PLEKHB2: variants seen among roughly 807,000 people sequenced by gnomAD.
PLEKHB2 encodes pleckstrin homology domain-containing family B member 2.
In PLEKHB2, 31 loss-of-function variants were observed where a neutral mutation model predicts 36.5. That is an observed-to-expected ratio of 0.85 (90% CI 0.64 to 1.15). PLEKHB2 has a LOEUF of 1.15. Ranked by LOEUF, PLEKHB2 falls within the 50% of genes most tolerant of loss-of-function variation. The pLI is 0.00. For synonymous variants in PLEKHB2, 119 were observed against 112.0 expected, an observed-to-expected ratio of 1.06 and a Z score of -0.39; for missense variants, 262 against 295.3, an observed-to-expected ratio of 0.89 and a Z score of 0.83.
intron 6 of PLEKHB2, among the ~76,000 whole-genome samples, chr2:131,138,581 C>T (rs1341393764): frequency 7.9e-5 from 12 of 152,136 alleles, no homozygotes; most frequent in Non-Finnish European, 1.8e-4. Context: ...CGCCTTGAGC[C>T]TCAGTTGACA....
intron 4 of PLEKHB2, chr2:131,127,035 C>T: frequency 2.5e-6 from 1 of 394,694 alleles, no homozygotes; most frequent in East Asian, 4.8e-5. Flanking sequence ...TGCTGTCTTT[C>T]ATTATTAGAT....
chr2:131,120,005 G>C (rs1696319475), intron 1 of PLEKHB2, among the ~76,000 whole-genome samples: 1 of 143,706 alleles, frequency 7.0e-6, no homozygotes, highest in Admixed American at 7.1e-5. Flanking sequence ...GTCTTACTCT[G>C]TTGCCCAGGC....
chr2:131,108,967 G>C (rs921109169), intron 1 of PLEKHB2, among the ~76,000 whole-genome samples: 3 of 152,130 alleles, frequency 2.0e-5, no homozygotes, highest in South Asian at 2.1e-4. Flanking sequence ...TTGTCCGATT[G>C]AGTCAGGATC....
At chr2:131,145,661 T>TAG (rs2104993696) in intron 7 of PLEKHB2, among the ~76,000 whole-genome samples, 1 of 152,272 alleles carries the variant, frequency 6.6e-6, no homozygotes, top group East Asian at 1.9e-4. Flanking sequence ...ATTAAAGGAA[T>TAG]AGAGGATCAA....
chr2:131,141,003 CAGG>C (rs1010499772), intron 7 of PLEKHB2, among the ~76,000 whole-genome samples: 1 of 152,118 alleles, frequency 6.6e-6, no homozygotes, highest in African/African-American at 2.4e-5. Context: ...TGGGGGTTTG[CAGG>C]AGGAGGAGTA....
At chr2:131,110,712 A>G (rs747162443) in intron 1 of PLEKHB2, among the ~76,000 whole-genome samples, 3 of 151,850 alleles carry the variant, frequency 2.0e-5, no homozygotes, top group Non-Finnish European at 4.4e-5. Context: ...TCTGGCTTGG[A>G]AATAATTTTC....
intron 5 of PLEKHB2, among the ~76,000 whole-genome samples, chr2:131,131,606 C>T (rs10928539): frequency 0.18 from 27,752 of 152,032 alleles, 3,106 homozygotes; most frequent in African/African-American, 0.32. Flanking sequence ...GAAGGTGGAT[C>T]AAGCTTACAG....
intron 1 of PLEKHB2, chr2:131,108,142 A>C (rs1236309491): frequency 2.6e-5 from 4 of 152,370 alleles, no homozygotes; most frequent in African/African-American, 9.6e-5. Context: ...AGTAGGCTTC[A>C]GGCTTAGAAC....
chr2:131,120,604 C>T (rs1368725659), intron 1 of PLEKHB2: 1 of 382,972 alleles, frequency 2.6e-6, no homozygotes, highest in African/African-American at 2.1e-5. Flanking sequence ...CTCAGGGCTC[C>T]AGCAAGCCAC....
At chr2:131,143,178 T>G (rs546283669) in intron 7 of PLEKHB2, among the ~76,000 whole-genome samples, 2 of 152,304 alleles carry the variant, frequency 1.3e-5, no homozygotes, top group East Asian at 3.9e-4. Context: ...TTCGGTAGGT[T>G]AGGCGTATTA....
At chr2:131,121,056 A>C in intron 2 of PLEKHB2, 78 bp downstream of exon 2, 1 of 1,418,056 alleles carries the variant, frequency 7.1e-7, no homozygotes, top group Non-Finnish European at 9.8e-7. Context: ...AGTTGATCAT[A>C]TTTAAAAGCA....
intron 7 of PLEKHB2, among the ~76,000 whole-genome samples, chr2:131,143,127 T>C (rs1029612440): frequency 6.6e-6 from 1 of 152,206 alleles, no homozygotes; most frequent in Non-Finnish European, 1.5e-5. Context: ...CTAATGTTAG[T>C]GCTCTGAGCA....
intron 6 of PLEKHB2, among the ~76,000 whole-genome samples, chr2:131,139,465 T>C (rs1225568131): frequency 6.6e-6 from 1 of 152,222 alleles, no homozygotes; most frequent in African/African-American, 2.4e-5. Flanking sequence ...TACAACTCTG[T>C]TCTCCCTTAT....
At chr2:131,115,786 C>T (rs1335283103) in intron 1 of PLEKHB2, among the ~76,000 whole-genome samples, 1 of 152,200 alleles carries the variant, frequency 6.6e-6, no homozygotes, top group Non-Finnish European at 1.5e-5. Flanking sequence ...ACTTGTGTCA[C>T]AATTTAGCCA....
At chr2:131,121,431 A>G (rs1198411265) in intron 2 of PLEKHB2, among the ~76,000 whole-genome samples, 14 of 151,958 alleles carry the variant, frequency 9.2e-5, no homozygotes, top group Admixed American at 7.9e-4. Context: ...TATTTTTAGT[A>G]GAGAAGGGGT....
chr2:131,133,131 T>A, intron 6 of PLEKHB2, 140 bp downstream of exon 6: 1 of 624,606 alleles, frequency 1.6e-6, no homozygotes. Context: ...TATCAACGTT[T>A]GTTTTCATGA....
At chr2:131,107,614 C>A (rs965172934) in intron 1 of PLEKHB2, 1 of 152,204 alleles carries the variant, frequency 6.6e-6, no homozygotes, top group Non-Finnish European at 1.5e-5. Flanking sequence ...AACCTGAATT[C>A]TAGCTTTTGG....
chr2:131,146,794 G>A lies in PLEKHB2; in HGVS notation c.*21G>A, dbSNP rs750062545. ...TCTAGGGGCCTCAAGGTCTTGATGT[G>A]CATAGCTTCTGATAACCCTGTGTGC... On this transcript the variant is annotated 3_prime_UTR_variant, in exon 8 of 8. Transcript: ENST00000693505. 2 of 1,560,168 alleles carry A rather than the reference G, an allele frequency of 1.3e-6. No homozygotes were observed. The highest frequency in any genetic ancestry group is 8.7e-7 in the Non-Finnish European group (1 of 1,151,408).
chr2:131,120,577 A>G, intron 1 of PLEKHB2: 2 of 336,610 alleles, frequency 5.9e-6, no homozygotes, highest in Admixed American at 4.3e-5. Flanking sequence ...CCCACTGGGA[A>G]CGCCAAATGT....
Sources: gnomAD v4.1 joint callset for allele counts (sites outside exome capture counted in the v4.1 genomes callset) on GRCh38, gnomAD v4.1.1 for gene constraint, MANE v1.5 for transcripts, NCBI Gene and HGNC (gene_info 2026-07-23, HGNC 2026-07-21) for gene names.